Variants in GRIK1 observed in about 807,000 individuals in gnomAD.
GRIK1 encodes the protein glutamate ionotropic receptor kainate type subunit 1, also known as glutamate receptor ionotropic, kainate 1.
A neutral mutation model predicts 105.7 loss-of-function variants in GRIK1; 69 were observed. The ratio of observed to expected loss-of-function variants is 0.65; its 90% CI spans 0.54 to 0.80. The LOEUF is 0.80. Ranked by LOEUF, GRIK1 falls within the 30% of genes least tolerant of loss-of-function variation. The probability of loss-of-function intolerance (pLI) is 0.00; values close to 1 mark genes in which losing one functional copy is unlikely to be tolerated. For missense variants in GRIK1, 1,109 were observed against 1,167.3 expected, an observed-to-expected ratio of 0.95 and a Z score of 0.73; for synonymous variants, 438 against 431.3, an observed-to-expected ratio of 1.02 and a Z score of -0.19.
chr21:29,881,321 GAAGATT>G (rs900588204), intron 1 of GRIK1, among the ~76,000 whole-genome samples: 5 of 151,976 alleles, frequency 3.3e-5, no homozygotes, highest in Non-Finnish European at 5.9e-5. Flanking sequence ...CATGCTTATT[GAAGATT>G]AACTTAACTG....
intron 1 of GRIK1, among the ~76,000 whole-genome samples, chr21:29,815,868 A>G (rs1410407175): frequency 6.6e-6 from 1 of 152,194 alleles, no homozygotes; most frequent in East Asian, 1.9e-4. Context: ...CATAGAGGAA[A>G]CAATCCAGGA....
chr21:29,697,715 A>ACTTC lies in GRIK1; in HGVS notation c.119-3656_119-3653dup, dbSNP rs750489203. 1.9e-3 allele frequency among the ~76,000 whole-genome samples: 285 copies of ACTTC among 150,826 alleles called. 1 individual carries two copies. Among genetic ancestry groups the ACTTC allele is most frequent in the Non-Finnish European group, 1.1e-3 (74 of 67,628 alleles). ...TGGGCAGACTGTTTAACGATCAGCC[A>ACTTC]CTTCCTCCCTCCTTCTCCTCCCCAT... is the stretch of plus-strand genomic sequence containing the variant. On this transcript the variant is annotated intron_variant, in intron 1 of 17. Coordinates refer to ENST00000327783, the MANE Select transcript of GRIK1 (RefSeq NM_001330994.2).
At position 29,930,755 on chromosome 21, in the gene GRIK1, A is replaced by G. The variant is rs909358778; in HGVS notation, c.118+8628T>C. ...CCTTGCAGAATTCTAAAGAAGACGT[A>G]TGACCATCAGATTAGCAACTGTTAT... is the stretch of plus-strand genomic sequence containing the variant. On this transcript the variant is annotated intron_variant, in intron 1 of 17. Transcript: ENST00000327783. 2.0e-5 allele frequency among the ~76,000 whole-genome samples: 3 copies of G among 152,248 alleles called. No individual in the cohort carries two copies. The East Asian group carries it at 5.8e-4, about 29-fold the overall frequency.
intron 1 of GRIK1, chr21:29,748,048 T>G (rs574897702): frequency 2.6e-5 from 4 of 152,342 alleles, no homozygotes; most frequent in Non-Finnish European, 5.9e-5. Flanking sequence ...CTTTCCTGAG[T>G]TCCAGCTAAC....
intron 14 of GRIK1, among the ~76,000 whole-genome samples, chr21:29,576,399 AT>A (rs1310100490): frequency 6.6e-6 from 1 of 152,238 alleles, no homozygotes; most frequent in African/African-American, 2.4e-5. Flanking sequence ...AGCTTCAGGC[AT>A]GGCTGGGAAC....
chr21:29,877,759 G>A (rs2069244146), intron 1 of GRIK1, among the ~76,000 whole-genome samples: 2 of 152,174 alleles, frequency 1.3e-5, no homozygotes, highest in Non-Finnish European at 2.9e-5. Flanking sequence ...CGGTGTCTCA[G>A]TTAGTTGAGA....
chr21:29,633,581 T>C (rs1221806593), intron 7 of GRIK1, among the ~76,000 whole-genome samples: 1 of 152,156 alleles, frequency 6.6e-6, no homozygotes, highest in African/African-American at 2.4e-5. Context: ...GCTGTGCTAT[T>C]ATAATGCAAA....
At chr21:29,930,058 A>C (rs1408552714) in intron 1 of GRIK1, among the ~76,000 whole-genome samples, 2 of 152,222 alleles carry the variant, frequency 1.3e-5, no homozygotes, top group Non-Finnish European at 1.5e-5. Flanking sequence ...TATTTTCTTA[A>C]CCATTCTCTC....
intron 1 of GRIK1, among the ~76,000 whole-genome samples, chr21:29,887,308 A>AC (rs2069665324): frequency 6.6e-6 from 1 of 152,192 alleles, no homozygotes; most frequent in Admixed American, 6.6e-5. Flanking sequence ...TTGGAAGAAT[A>AC]TGGGGGTACA....
At chr21:29,644,525 T>C (rs996681200) in intron 6 of GRIK1, among the ~76,000 whole-genome samples, 1 of 152,258 alleles carries the variant, frequency 6.6e-6, no homozygotes, top group Non-Finnish European at 1.5e-5. Flanking sequence ...TTCATGCTTA[T>C]GTAATTGACA....
chr21:29,846,473 GAAAGAAAGA>G (rs1288145633), intron 1 of GRIK1, among the ~76,000 whole-genome samples: 18 of 75,282 alleles, frequency 2.4e-4, no homozygotes, highest in Non-Finnish European at 5.2e-4. Context: ...GAGAAAGAAA[GAAAGAAAGA>G]AAGAAAGAAA....
intron 14 of GRIK1, among the ~76,000 whole-genome samples, chr21:29,574,090 A>G (rs2090826167): frequency 1.2e-5 from 1 of 85,266 alleles, no homozygotes; most frequent in Non-Finnish European, 2.2e-5. Flanking sequence ...TGCATAAGGT[A>G]TATATGATGA....
intron 1 of GRIK1, among the ~76,000 whole-genome samples, chr21:29,720,436 A>G (rs1269729455): frequency 6.6e-6 from 1 of 152,166 alleles, no homozygotes; most frequent in Non-Finnish European, 1.5e-5. Flanking sequence ...ACCAGGCACT[A>G]GATTTAGCTT....
At chr21:29,684,245 C>G (rs1474255274) in intron 3 of GRIK1, among the ~76,000 whole-genome samples, 1 of 148,518 alleles carries the variant, frequency 6.7e-6, no homozygotes, top group Non-Finnish European at 1.5e-5. Flanking sequence ...ACAAGGGAAT[C>G]TATCATCTCT....
intron 11 of GRIK1, 102 bp downstream of exon 11, chr21:29,588,737 G>T: frequency 1.4e-6 from 1 of 724,234 alleles, no homozygotes; most frequent in Non-Finnish European, 2.4e-6. Context: ...TAAAAAAATT[G>T]TTACGATTCA....
chr21:29,816,981 A>G (rs1377019701), intron 1 of GRIK1, among the ~76,000 whole-genome samples: 2 of 152,182 alleles, frequency 1.3e-5, no homozygotes, highest in Admixed American at 6.6e-5. Context: ...TGTGATAGAT[A>G]TTCTAAATAT....
intron 4 of GRIK1, among the ~76,000 whole-genome samples, chr21:29,667,683 C>G (rs1284711178): frequency 6.6e-6 from 1 of 152,152 alleles, no homozygotes; most frequent in African/African-American, 2.4e-5. Context: ...TTCATGCTCA[C>G]CTGCTGGCCA....
chr21:29,717,191 A>G (rs1315960818), intron 1 of GRIK1, among the ~76,000 whole-genome samples: 1 of 152,248 alleles, frequency 6.6e-6, no homozygotes, highest in Non-Finnish European at 1.5e-5. Flanking sequence ...GCAGAAGTCT[A>G]TTCTAGGGGT....
chr21:29,668,298 C>T (rs1258558164), intron 4 of GRIK1, among the ~76,000 whole-genome samples: 1 of 152,164 alleles, frequency 6.6e-6, no homozygotes, highest in Non-Finnish European at 1.5e-5. Context: ...ATAGAGCAAA[C>T]TAAGTAGAGT....
Sources: gnomAD v4.1 joint callset for allele counts (sites outside exome capture counted in the v4.1 genomes callset) on GRCh38, gnomAD v4.1.1 for gene constraint, MANE v1.5 for transcripts, NCBI Gene and HGNC (gene_info 2026-07-23, HGNC 2026-07-21) for gene names.